The following WDR44 variants were observed in gnomAD, a reference collection of about 807,000 sequenced individuals.
WDR44 encodes the protein WD repeat domain 44.
WDR44 carries 9 observed loss-of-function variants against 65.7 expected under a neutral mutation model. The ratio of observed to expected loss-of-function variants is 0.14; its 90% CI spans 0.08 to 0.24. The LOEUF (loss-of-function observed/expected upper bound fraction) is 0.24, where lower values mean the gene tolerates loss of function less well. Among genes scored for constraint, WDR44 ranks in the 10% least tolerant of loss-of-function variants. The pLI, the probability that WDR44 is intolerant of heterozygous loss-of-function variation, is 1.00. For missense variants in WDR44, 425 were observed against 670.9 expected (o/e 0.63, Z 4.05); for synonymous variants, 220 against 235.2 (o/e 0.94, Z 0.59).
chrX:118,365,251 AT>A (rs2056543258), intron 1 of WDR44, among the ~76,000 whole-genome samples: 1 of 111,831 alleles, frequency 8.9e-6, no homozygotes, highest in South Asian at 3.7e-4. Context: ...TTTTCACATG[AT>A]TTGCTGTTAA....
chrX:118,361,496 G>A (rs1569356969), intron 1 of WDR44, among the ~76,000 whole-genome samples: 1 of 112,090 alleles, frequency 8.9e-6, no homozygotes, highest in Non-Finnish European at 1.9e-5. Flanking sequence ...TAATCCCGAG[G>A]CAGGCGGGGG....
rs572422771 is a variant in WDR44, at chrX:118,427,876, C to T, written c.1738-4905C>T. Among the ~76,000 whole-genome samples the T allele has an allele frequency of 3.1e-3, 339 of 107,934 alleles. 2 individuals are homozygous for T. Among genetic ancestry groups the T allele is most frequent in the South Asian group, 0.013 (31 of 2,415 alleles). 93.7% of individuals were successfully genotyped at this position (107,934 alleles called of 115,157 possible). A position where few individuals can be genotyped will look rare whatever the true frequency, so the allele number is the denominator to read the frequency against. ...ATTTTTAGTAGAGACGGGGTTTCAC[C>T]GTGTTAGCCAGGATGGTCTTGATCT... On this transcript the variant is annotated intron_variant, in intron 12 of 19. Coordinates refer to ENST00000254029, the MANE Select transcript of WDR44 (RefSeq NM_019045.5).
rs1173461677 is a variant in WDR44, at chrX:118,438,804, T to TGTTTTTTTG, written c.1974+1980_1974+1981insGTTTTTTTG. Among the ~76,000 whole-genome samples, 105 of 96,578 alleles carry TGTTTTTTTG rather than the reference T, an allele frequency of 1.1e-3. 3 individuals carry two copies. The highest frequency in any genetic ancestry group is 3.9e-3 in the African/African-American group (99 of 25,685). 83.9% of individuals were successfully genotyped at this position (96,578 alleles called of 115,157 possible). A position where few individuals can be genotyped will look rare whatever the true frequency, so the allele number is the denominator to read the frequency against. On this transcript the variant is annotated intron_variant, in intron 14 of 19. Transcript: ENST00000254029. ...AACTTTCTGTTCAGCCATGTTTTTTTTTTTTTTTTTTTTTGAAGACAGTCT... is the reference window on the plus strand; with the variant it reads ...AACTTTCTGTTCAGCCATGTTTTTTTGTTTTTTTGTTTTTTTTTTTTTTGAAGACAGTCT...
In WDR44 at chrX:118,444,455, A is replaced by G. The variant is rs1378506093; in HGVS notation, c.2608A>G (p.Lys870Glu). 6.6e-6 allele frequency: 8 copies of G among 1,211,373 alleles called. No individual in the cohort carries two copies. The highest frequency in any genetic ancestry group is 7.8e-6 in the Non-Finnish European group (7 of 895,200). The change falls in exon 19 of 20, where the codon AAA (lysine) becomes GAA (glutamate). Residue 870 changes from lysine (K) to glutamate (E), a missense_variant. By Grantham distance (56) the Lys-to-Glu change is moderately conservative. Around this residue, in one of 5 missense-constraint regions of WDR44, gnomAD observed 37 missense variants for 40.9 expected, o/e 0.90. Coordinates refer to ENST00000254029, the MANE Select transcript of WDR44 (RefSeq NM_019045.5). ...ATCTGAAAAATCAGAAGGGAACGAG[A>G]AAAGTGAAGATGCTGAAGTTTTGGA... The part of the protein sequence containing the change: ...VQSEKSEGNE[K>E]SEDAEVLDAT...
chrX:118,424,323 G>A (rs57303808), intron 12 of WDR44, among the ~76,000 whole-genome samples: 5,753 of 65,293 alleles, frequency 0.088, 235 homozygotes, highest in Admixed American at 0.14. Flanking sequence ...GTGTGTGTGT[G>A]TATATATATA....
At position 118,392,731 on chromosome X, in the gene WDR44, A is replaced by G; in HGVS notation, c.286A>G (p.Ser96Gly). The G allele has an allele frequency of 1.7e-6, 2 of 1,212,059 alleles. No individual in the cohort carries two copies. The change falls in exon 4 of 20, where the codon AGT becomes GGT. Residue 96 changes from serine to glycine, a missense_variant. Physicochemically the swap from Ser to Gly is moderately conservative, Grantham distance 56. Transcript: ENST00000254029. ...GKELSDQATA[S>G]PIVARTDLSN... ...AGAACTCTCTGATCAAGCTACTGCCAGTCCTATTGTGGCTAGAACAGATCT... is the reference window on the plus strand; with the variant it reads ...AGAACTCTCTGATCAAGCTACTGCCGGTCCTATTGTGGCTAGAACAGATCT...
intron 12 of WDR44, among the ~76,000 whole-genome samples, chrX:118,429,226 C>T (rs2057185300): frequency 9.1e-6 from 1 of 110,284 alleles, no homozygotes; most frequent in South Asian, 3.8e-4. Flanking sequence ...TAATTCAAAA[C>T]ATAAAAAAAA....
At chrX:118,399,123 T>A (rs1255868459) in intron 8 of WDR44, among the ~76,000 whole-genome samples, 1 of 112,182 alleles carries the variant, frequency 8.9e-6, no homozygotes, top group Non-Finnish European at 1.9e-5. Context: ...TCCTGACTAC[T>A]ACAGTCCATG....
chrX:118,382,655 G>A (rs1425744016), intron 2 of WDR44, among the ~76,000 whole-genome samples: 2 of 90,703 alleles, frequency 2.2e-5, no homozygotes, highest in African/African-American at 8.1e-5. Context: ...ATACTTTGTT[G>A]GGTGTACTTA....
chrX:118,415,816 T>A (rs986677837), intron 12 of WDR44, among the ~76,000 whole-genome samples: 1 of 111,477 alleles, frequency 9.0e-6, no homozygotes, highest in Non-Finnish European at 1.9e-5. Flanking sequence ...TCCTGGACTG[T>A]TTTTTTTGTT....
chrX:118,386,031 G>T (rs1348215957), intron 2 of WDR44, among the ~76,000 whole-genome samples: 2 of 111,161 alleles, frequency 1.8e-5, no homozygotes, highest in African/African-American at 6.5e-5. Flanking sequence ...GATATTGCAA[G>T]TCCTACAGAA....
At chrX:118,424,456 A>G (rs184229763) in intron 12 of WDR44, among the ~76,000 whole-genome samples, 6 of 105,905 alleles carry the variant, frequency 5.7e-5, no homozygotes, top group African/African-American at 1.7e-4. Context: ...GCACCTTTTC[A>G]TGTACTCATT....
intron 12 of WDR44, among the ~76,000 whole-genome samples, chrX:118,427,243 G>A (rs1486204226): frequency 9.3e-6 from 1 of 107,459 alleles, no homozygotes; most frequent in Non-Finnish European, 1.9e-5. Flanking sequence ...GGTAGCTTGT[G>A]CTACAGGCAA....
chrX:118,400,435 C>T (rs2380316), intron 8 of WDR44, among the ~76,000 whole-genome samples: 48,126 of 110,731 alleles, frequency 0.43, 10,830 homozygotes, highest in African/African-American at 0.86. Flanking sequence ...AAAGTAGATA[C>T]TTTAGAACTA....
intron 12 of WDR44, among the ~76,000 whole-genome samples, chrX:118,424,323 G>GTATATATATATA (rs1171699587): frequency 1.5e-4 from 10 of 65,552 alleles, no homozygotes; most frequent in South Asian, 1.4e-3. Flanking sequence ...GTGTGTGTGT[G>GTATATATATATA]TATATATATA....
At chrX:118,444,529 C>T (rs200858381) in intron 19 of WDR44, 35 bp downstream of exon 19, 1 of 1,191,474 alleles carries the variant, frequency 8.4e-7, no homozygotes, top group African/African-American at 1.8e-5. Context: ...TTTTTCTAGT[C>T]AGCACTTAGT....
rs764990008 is a variant in WDR44 at position 118,393,050 on chromosome X, A to C, written c.605A>C (p.Asp202Ala). 5.1e-5 allele frequency: 62 copies of C among 1,210,040 alleles called. No homozygotes were observed. Among genetic ancestry groups the C allele is most frequent in the Non-Finnish European group, 6.7e-5 (60 of 895,296 alleles). ...TCCTCAGACTCCTTATCTACTAAAG[A>C]TTTTGCCGCTGTGGAAGAAGTGGCC... ...PVSSDSLSTK[D>A]FAAVEEVAPA... is the part of the protein sequence containing the mutation. Residue 202 changes from aspartate to alanine, a missense_variant, in exon 4 of 20, where the codon GAT (aspartate) becomes GCT (alanine). Around this residue, in one of 5 missense-constraint regions of WDR44, gnomAD observed 193 missense variants for 209.0 expected, o/e 0.92. Coordinates refer to ENST00000254029, the MANE Select transcript of WDR44 (RefSeq NM_019045.5).
chrX:118,439,869 C>T (rs1398347430), intron 14 of WDR44, among the ~76,000 whole-genome samples: 1 of 109,250 alleles, frequency 9.2e-6, no homozygotes, highest in Non-Finnish European at 1.9e-5. Flanking sequence ...CCTATAATCC[C>T]AGCACTTTGG....
At chrX:118,375,074 T>C (rs923256882) in intron 1 of WDR44, among the ~76,000 whole-genome samples, 1 of 112,022 alleles carries the variant, frequency 8.9e-6, no homozygotes, top group Admixed American at 9.5e-5. Flanking sequence ...TATATTTCCA[T>C]GTGTGTCAGT....
Sources: allele counts gnomAD v4.1 joint callset (sites outside exome capture counted in the v4.1 genomes callset), GRCh38; gene constraint gnomAD v4.1.1; regional missense constraint gnomAD v4.1.1; transcripts MANE v1.5; gene names NCBI Gene and HGNC (gene_info 2026-07-23, HGNC 2026-07-21).